MROH1: variants seen among roughly 807,000 people sequenced by gnomAD.
MROH1 encodes the protein maestro heat like repeat family member 1.
In MROH1, 117 loss-of-function variants were observed where a neutral mutation model predicts 116.5. The ratio of observed to expected loss-of-function variants is 1.00; its 90% CI spans 0.86 to 1.17. The LOEUF (loss-of-function observed/expected upper bound fraction) is 1.17. Ranked by LOEUF, MROH1 falls within the 50% of genes most tolerant of loss-of-function variation. The pLI is 0.00. For missense variants in MROH1, 1,873 were observed against 1,338.5 expected (o/e 1.40, Z -6.23); for synonymous variants, 921 against 583.9 (o/e 1.58, Z -8.32).
At position 144,184,817 on chromosome 8, in the gene MROH1, T is replaced by G. The variant is rs12678752; in HGVS notation, c.562+4294T>G. ...GCTCACCGGCATCATCAAAGGGAGA[T>G]GCTGTGGAGGGGCCGCCAGGAGCTG... is the stretch of plus-strand genomic sequence containing the variant. On this transcript the variant is annotated intron_variant, in intron 7 of 43. Coordinates refer to ENST00000326134, the MANE Select transcript of MROH1 (RefSeq NM_032450.3). Among the ~76,000 whole-genome samples the G allele has an allele frequency of 3.7e-3, 568 of 152,258 alleles. 1 individual carries two copies. The highest frequency in any genetic ancestry group is 6.7e-3 in the Non-Finnish European group (453 of 68,022).
chr8:144,201,893 C>T (rs960186407), intron 12 of MROH1, among the ~76,000 whole-genome samples: 1 of 151,960 alleles, frequency 6.6e-6, no homozygotes, highest in South Asian at 2.1e-4. Context: ...TGGTGGCGGG[C>T]GCCTGTAATC....
intron 3 of MROH1, among the ~76,000 whole-genome samples, chr8:144,167,970 A>G (rs149365316): frequency 5.0e-4 from 76 of 152,180 alleles, no homozygotes; most frequent in African/African-American, 1.5e-3. Context: ...GAACAGCCTC[A>G]TGCCTGCCTG....
At chr8:144,189,387 C>T (rs1237394179) in intron 7 of MROH1, among the ~76,000 whole-genome samples, 3 of 152,226 alleles carry the variant, frequency 2.0e-5, no homozygotes, top group Non-Finnish European at 4.4e-5. Context: ...CAGTTTATCT[C>T]CCTGTGCCCC....
rs1588395604 is a variant in MROH1, at chr8:144,234,523, T to G, written c.1339-4233T>G. Among the ~76,000 whole-genome samples the G allele has an allele frequency of 6.8e-5, 6 of 88,216 alleles. No homozygotes were observed. The Middle Eastern group carries it at 0.022, about 320-fold the overall frequency. 57.9% of individuals were successfully genotyped at this position (88,216 alleles called of 152,430 possible). On this transcript the variant is annotated intron_variant, in intron 14 of 43. Coordinates refer to ENST00000326134, the MANE Select transcript of MROH1 (RefSeq NM_032450.3). The stretch of plus-strand genomic sequence containing the variant: ...GTTTTTTTTTTTTTTTTTTTTTTTT[T>G]TTTTTTTTTTTCAAAAAGAGTCTTG...
Position 144,206,583 on chromosome 8 carries a change from C to T in MROH1, c.1141+6042C>T, listed in dbSNP as rs182382698. On this transcript the variant is annotated intron_variant, in intron 12 of 43. Coordinates refer to ENST00000326134, the MANE Select transcript of MROH1 (RefSeq NM_032450.3). ...GATTACAGGCGAACACCACCACACC[C>T]GGCTAATTTTTGTATTTTTAATAGA... is the stretch of plus-strand genomic sequence containing the variant. Among the ~76,000 whole-genome samples the T allele has an allele frequency of 1.7e-3, 252 of 151,662 alleles. 1 individual carries two copies. Among genetic ancestry groups the T allele is most frequent in the African/African-American group, 5.5e-3 (226 of 41,458 alleles).
chr8:144,222,347 G>A (rs1484997155), intron 13 of MROH1, among the ~76,000 whole-genome samples: 1 of 152,132 alleles, frequency 6.6e-6, no homozygotes, highest in African/African-American at 2.4e-5. Context: ...GCTCTCCTCT[G>A]GCAGCAGGGG....
At chr8:144,151,421 C>T (rs1001842724) in intron 1 of MROH1, among the ~76,000 whole-genome samples, 6 of 152,286 alleles carry the variant, frequency 3.9e-5, no homozygotes, top group East Asian at 3.9e-4. Flanking sequence ...GGCAGGCCAT[C>T]GACTGGCTGG....
chr8:144,199,857 G>C (rs149947781), intron 11 of MROH1, among the ~76,000 whole-genome samples: 1 of 152,358 alleles, frequency 6.6e-6, no homozygotes, highest in South Asian at 2.1e-4. Context: ...ACTGACTGCA[G>C]CCAGGCTGGG....
At chr8:144,177,318 G>A (rs1346908943) in intron 4 of MROH1, among the ~76,000 whole-genome samples, 1 of 152,212 alleles carries the variant, frequency 6.6e-6, no homozygotes, top group African/African-American at 2.4e-5. Flanking sequence ...GCTGCCTGGC[G>A]CTGCCCCGTC....
intron 7 of MROH1, among the ~76,000 whole-genome samples, chr8:144,188,265 A>C (rs1045858914): frequency 6.6e-6 from 1 of 152,182 alleles, no homozygotes. Context: ...AGAAGATACT[A>C]TAAATACTTT....
intron 37 of MROH1, 131 bp from the exon 38 acceptor site, chr8:144,259,780 C>A: frequency 1.4e-6 from 1 of 693,228 alleles, no homozygotes; most frequent in South Asian, 1.5e-5. Context: ...GATCGGAGAC[C>A]CAGGGAGTAG....
chr8:144,241,205 C>T (rs1840914349), intron 21 of MROH1, 94 bp downstream of exon 21: 1 of 704,740 alleles, frequency 1.4e-6, no homozygotes, highest in Non-Finnish European at 2.6e-6. Flanking sequence ...AGCCTGTGTG[C>T]CTGTGTGTGC....
chr8:144,174,822 T>A (rs1823419079), intron 4 of MROH1: 1 of 985,354 alleles, frequency 1.0e-6, no homozygotes, highest in Non-Finnish European at 1.2e-6. Flanking sequence ...TATGCCTTTT[T>A]CATGGGTTCC....
intron 1 of MROH1, among the ~76,000 whole-genome samples, chr8:144,158,198 G>A (rs924543503): frequency 3.3e-5 from 5 of 150,470 alleles, no homozygotes; most frequent in Non-Finnish European, 7.4e-5. Context: ...TCACCATACT[G>A]GCCGGGCTGG....
rs1379815208 is a variant in MROH1, at chr8:144,240,556, A to G, written c.1828-14A>G. On this transcript the variant is annotated splice_polypyrimidine_tract_variant and intron_variant, in intron 19 of 43. Coordinates refer to ENST00000326134, the MANE Select transcript of MROH1 (RefSeq NM_032450.3). ...GTCGGGCTCCCAGCCCCTCAGTGGC[A>G]TCTTGGCCTGCAGTTCCTGCGAGAC... The G allele has an allele frequency of 1.4e-6, 1 of 715,978 alleles. No homozygotes were observed. The highest frequency in any genetic ancestry group is 2.6e-6 in the Non-Finnish European group (1 of 384,860). The allele number at this position is 715,978 out of a possible 1,614,324, so 44.4% of individuals were successfully genotyped here.
At chr8:144,170,481 G>A (rs1822163419) in intron 4 of MROH1, among the ~76,000 whole-genome samples, 1 of 152,096 alleles carries the variant, frequency 6.6e-6, no homozygotes, top group African/African-American at 2.4e-5. Flanking sequence ...AGGAGGTTTG[G>A]GTCACAGCCT....
intron 32 of MROH1, among the ~76,000 whole-genome samples, chr8:144,249,280 G>C (rs1018087972): frequency 1.8e-4 from 27 of 152,162 alleles, no homozygotes; most frequent in African/African-American, 5.8e-4. Context: ...ACAGGGGTTA[G>C]AATTTGGCAA....
rs968717888 is a variant in MROH1 at position 144,256,835 on chromosome 8, C to T, written c.3791+1130C>T. Among the ~76,000 whole-genome samples the T allele has an allele frequency of 4.6e-5, 7 of 152,364 alleles. No individual in the cohort carries two copies. The East Asian group carries it at 7.7e-4, about 17-fold the overall frequency. ...AACACACGCTTCCCGTTAGATTTGTCGAAGCTGGTTGTGAGTTGCTGTGCC... is the reference window on the plus strand; with the variant it reads ...AACACACGCTTCCCGTTAGATTTGTTGAAGCTGGTTGTGAGTTGCTGTGCC... On this transcript the variant is annotated intron_variant, in intron 35 of 43. Transcript: ENST00000326134.
At chr8:144,187,108 A>G (rs1419935691) in intron 7 of MROH1, among the ~76,000 whole-genome samples, 1 of 149,154 alleles carries the variant, frequency 6.7e-6, no homozygotes, top group Non-Finnish European at 1.5e-5. Flanking sequence ...AAAAAAAAAA[A>G]ACAAAACAAA....
Sources: allele counts gnomAD v4.1 joint callset (sites outside exome capture counted in the v4.1 genomes callset), GRCh38; gene constraint gnomAD v4.1.1; transcripts MANE v1.5; gene names NCBI Gene and HGNC (gene_info 2026-07-23, HGNC 2026-07-21).